The following CALD1 variants were observed in gnomAD, a reference collection of about 807,000 sequenced individuals.
CALD1 encodes caldesmon 1.
Under a neutral mutation model 99.9 loss-of-function variants are expected in CALD1, and 33 were observed. That is an observed-to-expected ratio of 0.33 (90% confidence interval 0.25 to 0.44). CALD1 has a LOEUF of 0.44. CALD1 is among the 20% of genes least tolerant of loss of function. The pLI is 1.00. For synonymous variants in CALD1, 310 were observed against 325.0 expected (o/e 0.95, Z 0.50); for missense variants, 861 against 962.1 (o/e 0.89, Z 1.39).
chr7:134,873,793 G>T (rs193265038), intron 3 of CALD1, among the ~76,000 whole-genome samples: 23 of 152,272 alleles, frequency 1.5e-4, no homozygotes, highest in Admixed American at 1.4e-3. Context: ...GGTAGTAAAA[G>T]TATCCACCTC....
At chr7:134,884,019 T>G (rs767232149) in intron 3 of CALD1, among the ~76,000 whole-genome samples, 12 of 152,070 alleles carry the variant, frequency 7.9e-5, no homozygotes, top group Non-Finnish European at 1.3e-4. Flanking sequence ...GGAGAATTGC[T>G]TGAACCTAGG....
At chr7:134,737,321 G>T in the CALD1 span, among the ~76,000 whole-genome samples, 2 of 151,926 alleles carry the variant, frequency 1.3e-5, no homozygotes, top group Non-Finnish European at 2.9e-5. Context: ...TAGAGGCGGG[G>T]TTTTGCCAAC....
intron 3 of CALD1, among the ~76,000 whole-genome samples, chr7:134,926,637 T>C (rs899063319): frequency 6.6e-6 from 1 of 152,162 alleles, no homozygotes; most frequent in African/African-American, 2.4e-5. Flanking sequence ...ACAGATGAAA[T>C]AAAGTACTGA....
upstream of CALD1, among the ~76,000 whole-genome samples, chr7:134,777,891 C>T (rs117330083): frequency 0.022 from 3,404 of 152,304 alleles, 52 homozygotes; most frequent in Non-Finnish European, 0.035. Context: ...TGGCCGTGTT[C>T]CGAAAATTTA....
chr7:134,784,384 C>G (rs1163159699), intron 1 of CALD1, among the ~76,000 whole-genome samples: 1 of 152,154 alleles, frequency 6.6e-6, no homozygotes, highest in East Asian at 1.9e-4. Flanking sequence ...CCAGAAGGAC[C>G]AAGGCAAAGT....
At chr7:134,870,742 C>G (rs1165758154) in intron 3 of CALD1, among the ~76,000 whole-genome samples, 2 of 151,936 alleles carry the variant, frequency 1.3e-5, no homozygotes, top group African/African-American at 4.8e-5. Context: ...CTCTCTCTCT[C>G]TCTCGCTCTT....
At chr7:134,887,838 G>A (rs947289925) in intron 3 of CALD1, among the ~76,000 whole-genome samples, 3 of 151,556 alleles carry the variant, frequency 2.0e-5, no homozygotes, top group Non-Finnish European at 4.4e-5. Context: ...GCATGCATTC[G>A]TGTATGTGTG....
intron 1 of CALD1, among the ~76,000 whole-genome samples, chr7:134,773,827 T>TG (rs1491394474): frequency 1.8e-4 from 27 of 146,642 alleles, no homozygotes; most frequent in African/African-American, 6.8e-4. Flanking sequence ...TGTGTGTGTG[T>TG]TTCTGTTGTT....
intron 1 of CALD1, among the ~76,000 whole-genome samples, chr7:134,790,705 GA>G (rs1179387491): frequency 2.0e-5 from 3 of 152,140 alleles, no homozygotes; most frequent in Non-Finnish European, 4.4e-5. Flanking sequence ...AAAAAAGAAA[GA>G]AAGAAAGCCA....
chr7:134,752,692 C>T (rs142896377), intron 1 of CALD1, among the ~76,000 whole-genome samples: 9 of 152,206 alleles, frequency 5.9e-5, no homozygotes, highest in Non-Finnish European at 1.0e-4. Flanking sequence ...CCAGTCTTAG[C>T]ACCGATTATC....
intron 1 of CALD1, among the ~76,000 whole-genome samples, chr7:134,782,771 A>G (rs758923573): frequency 5.9e-5 from 9 of 152,148 alleles, no homozygotes; most frequent in Non-Finnish European, 1.0e-4. Context: ...CTTGGCTGGT[A>G]TCCTCCACTT....
At chr7:134,896,530 G>A (rs1802587194) in intron 3 of CALD1, among the ~76,000 whole-genome samples, 1 of 152,218 alleles carries the variant, frequency 6.6e-6, no homozygotes, top group Non-Finnish European at 1.5e-5. Flanking sequence ...CACTGCACGA[G>A]CAGTGGTGAT....
At chr7:134,898,745 G>C (rs958299695) in intron 3 of CALD1, among the ~76,000 whole-genome samples, 3 of 151,982 alleles carry the variant, frequency 2.0e-5, no homozygotes, top group African/African-American at 7.2e-5. Flanking sequence ...TGTAGAGATG[G>C]AGTTTTGCCA....
intron 3 of CALD1, among the ~76,000 whole-genome samples, chr7:134,872,847 G>C (rs1452903714): frequency 1.3e-5 from 2 of 152,130 alleles, no homozygotes; most frequent in Non-Finnish European, 2.9e-5. Flanking sequence ...TAGTTTTGCT[G>C]TTTATTATTC....
In CALD1 at chr7:134,960,593, C is replaced by T. The variant is rs1333472791; in HGVS notation, c.2260C>T (p.Pro754Ser). ...SRINEWLTKT[P>S]DGNKSPAPKP... ...CATCAATGAATGGCTAACTAAAACC[C>T]CAGATGGAAACAAGTCACCTGCTCC... The change falls in exon 13 of 15, where the codon CCA becomes TCA. Residue 754 changes from proline to serine, a missense_variant. Around this residue, in one of 5 missense-constraint regions of CALD1, gnomAD observed 190 missense variants for 249.0 expected, o/e 0.76. Coordinates refer to ENST00000361675, the MANE Select transcript of CALD1 (RefSeq NM_033138.4). The T allele has an allele frequency of 1.2e-6, 2 of 1,613,550 alleles. No homozygotes were observed. The highest frequency in any genetic ancestry group is 1.7e-5 in the Admixed American group (1 of 60,006).
intron 1 of CALD1, among the ~76,000 whole-genome samples, chr7:134,803,366 A>G (rs774617472): frequency 1.9e-4 from 29 of 152,110 alleles, no homozygotes; most frequent in Non-Finnish European, 2.9e-4. Context: ...TTGATAAACA[A>G]AAGTTTTATA....
chr7:134,838,006 C>A (rs1164533590), intron 1 of CALD1, among the ~76,000 whole-genome samples: 1 of 152,170 alleles, frequency 6.6e-6, no homozygotes, highest in Non-Finnish European at 1.5e-5. Flanking sequence ...TGTCTGCTAT[C>A]CAATAAATCT....
At chr7:134,745,015 G>A (rs925904291) in intron 1 of CALD1, among the ~76,000 whole-genome samples, 2 of 152,078 alleles carry the variant, frequency 1.3e-5, no homozygotes, top group African/African-American at 2.4e-5. Context: ...CTCCACGAAG[G>A]CAAGATTTAG....
chr7:134,904,186 G>A (rs1803203325), intron 3 of CALD1, among the ~76,000 whole-genome samples: 1 of 151,950 alleles, frequency 6.6e-6, no homozygotes, highest in Non-Finnish European at 1.5e-5. Context: ...TCATGTCATC[G>A]CACTCCAGCC....
Sources: gnomAD v4.1 joint callset for allele counts (sites outside exome capture counted in the v4.1 genomes callset) on GRCh38, gnomAD v4.1.1 for gene constraint, gnomAD v4.1.1 regional missense constraint, MANE v1.5 for transcripts, NCBI Gene and HGNC (gene_info 2026-07-23, HGNC 2026-07-21) for gene names.